Variants in ACOXL observed in about 807,000 individuals in gnomAD.
The protein encoded by ACOXL is acyl-coenzyme A oxidase-like protein.
Under a neutral mutation model 71.9 loss-of-function variants are expected in ACOXL, and 70 were observed. That is an observed-to-expected ratio of 0.97 (90% confidence interval 0.80 to 1.19). The LOEUF is 1.19. Ranked by LOEUF, ACOXL falls within the 50% of genes most tolerant of loss-of-function variation. ACOXL has a pLI of 0.00. For missense variants in ACOXL, 703 were observed against 736.3 expected (o/e 0.95, Z 0.52); for synonymous variants, 253 against 281.6 (o/e 0.90, Z 1.02).
chr2:110,980,509 G>A (rs1419213795), intron 12 of ACOXL, among the ~76,000 whole-genome samples: 1 of 152,180 alleles, frequency 6.6e-6, no homozygotes. Flanking sequence ...GCACAGCAAA[G>A]CACCCCAAAC....
Position 110,754,031 on chromosome 2 carries a change from C to CGTGT in ACOXL, c.-22-14312_-22-14309dup, listed in dbSNP as rs34282367. On this transcript the variant is annotated intron_variant, in intron 1 of 17. Coordinates refer to ENST00000439055, the MANE Select transcript of ACOXL (RefSeq NM_001142807.4). ...TTATATATCCTCTTGCACATGCACA[C>CGTGT]GTGTGTGTGTGTGTGTGTGTGTGTG... Among the ~76,000 whole-genome samples the CGTGT allele has an allele frequency of 4.4e-3, 619 of 141,250 alleles. 5 individuals carry two copies. Among genetic ancestry groups the CGTGT allele is most frequent in the Non-Finnish European group, 6.3e-3 (416 of 65,588 alleles). The allele number at this position is 141,250 out of a possible 152,430, so 92.7% of individuals were successfully genotyped here.
At chr2:110,844,808 A>G (rs1361368529) in intron 10 of ACOXL, among the ~76,000 whole-genome samples, 2 of 151,868 alleles carry the variant, frequency 1.3e-5, no homozygotes, top group East Asian at 3.9e-4. Context: ...TTGCCTCCCA[A>G]AGTGCTGGGA....
intron 3 of ACOXL, among the ~76,000 whole-genome samples, chr2:110,788,579 G>A (rs554651372): frequency 6.6e-6 from 1 of 152,300 alleles, no homozygotes; most frequent in East Asian, 1.9e-4. Context: ...ACAACATTAT[G>A]ACTGTACTTC....
chr2:110,890,772 A>G (rs775640812), intron 10 of ACOXL, among the ~76,000 whole-genome samples: 1 of 151,946 alleles, frequency 6.6e-6, no homozygotes, highest in African/African-American at 2.4e-5. Flanking sequence ...CTTTTTTTTC[A>G]AGATTGCTCT....
chr2:110,785,324 G>A (rs1683820761), intron 3 of ACOXL, among the ~76,000 whole-genome samples: 2 of 151,680 alleles, frequency 1.3e-5, no homozygotes, highest in South Asian at 4.2e-4. Flanking sequence ...AGCACTGTTA[G>A]GACATAGACC....
intron 1 of ACOXL, among the ~76,000 whole-genome samples, chr2:110,741,616 C>T (rs775154080): frequency 6.6e-6 from 1 of 152,164 alleles, no homozygotes; most frequent in Non-Finnish European, 1.5e-5. Context: ...CCTCTGACCT[C>T]AACTGGAAAG....
In ACOXL at chr2:111,117,815, A is replaced by G; in HGVS notation, c.1742A>G (p.Ter581=). ...CGGCCCAAGCTGGGAGCCAAGCTCT[A>G]ACGGGTGTGGCGGGAAGTGTGGTGG... The part of the protein sequence containing the change: ...SRRPKLGAKL[*] The change falls in exon 18 of 18, where the codon TAA becomes TGA. Residue 581 remains the stop codon, a stop_retained_variant. Coordinates refer to ENST00000439055, the MANE Select transcript of ACOXL (RefSeq NM_001142807.4). 1 of 1,547,312 alleles carries G rather than the reference A, an allele frequency of 6.5e-7. No homozygotes were observed. The highest frequency in any genetic ancestry group is 8.7e-7 in the Non-Finnish European group (1 of 1,146,372).
intron 16 of ACOXL, among the ~76,000 whole-genome samples, chr2:111,050,892 T>G (rs1425755663): frequency 6.6e-6 from 1 of 152,218 alleles, no homozygotes; most frequent in Non-Finnish European, 1.5e-5. Flanking sequence ...CCATTTCACC[T>G]TCTTGCTGAC....
chr2:110,832,766 A>G (rs1377602537), intron 9 of ACOXL, among the ~76,000 whole-genome samples: 1 of 152,214 alleles, frequency 6.6e-6, no homozygotes, highest in Non-Finnish European at 1.5e-5. Context: ...AATGGGTAAA[A>G]GAGATTAAGA....
chr2:110,830,277 C>T (rs1213921255), intron 9 of ACOXL, among the ~76,000 whole-genome samples: 1 of 152,212 alleles, frequency 6.6e-6, no homozygotes, highest in Non-Finnish European at 1.5e-5. Context: ...TCAGACTTCT[C>T]TCTATGTAAT....
intron 17 of ACOXL, among the ~76,000 whole-genome samples, chr2:111,095,942 AC>A (rs1239358046): frequency 2.0e-5 from 3 of 152,190 alleles, no homozygotes; most frequent in Non-Finnish European, 4.4e-5. Flanking sequence ...TCCCACTGCC[AC>A]CATACCTCTT....
intron 12 of ACOXL, among the ~76,000 whole-genome samples, chr2:110,951,308 C>T (rs1284793810): frequency 2.6e-5 from 4 of 152,136 alleles, no homozygotes; most frequent in African/African-American, 4.8e-5. Context: ...TAATCAACAA[C>T]CTAGTTAAAG....
intron 12 of ACOXL, among the ~76,000 whole-genome samples, chr2:110,938,339 G>A (rs996494485): frequency 2.0e-5 from 3 of 152,166 alleles, no homozygotes; most frequent in Non-Finnish European, 2.9e-5. Context: ...GAGAAGGCCC[G>A]GAGCCTGTCT....
At chr2:110,976,882 C>G (rs918788201) in intron 12 of ACOXL, among the ~76,000 whole-genome samples, 1 of 152,112 alleles carries the variant, frequency 6.6e-6, no homozygotes, top group East Asian at 1.9e-4. Context: ...GCTCCAACTA[C>G]GAGCAAACTA....
rs2070075931 is a variant in ACOXL, at chr2:111,112,722, A to G, written c.1543-4894A>G. ...GTCCATGTGCTGCTCTTTTGAAGGC[A>G]CTTGAATTGTGTTTGACTTAAGGTG... On this transcript the variant is annotated intron_variant, in intron 17 of 17. Transcript: ENST00000439055. Among the ~76,000 whole-genome samples the G allele has an allele frequency of 2.0e-5, 3 of 152,172 alleles. No homozygotes were observed. The South Asian group carries it at 6.2e-4, about 31-fold the overall frequency.
At chr2:110,806,066 C>A (rs1366946149) in intron 9 of ACOXL, among the ~76,000 whole-genome samples, 2 of 152,268 alleles carry the variant, frequency 1.3e-5, no homozygotes, top group African/African-American at 4.8e-5. Flanking sequence ...CAGGAATATA[C>A]ATCTGGGGCT....
At chr2:110,758,249 A>G (rs1035240317) in intron 1 of ACOXL, among the ~76,000 whole-genome samples, 5 of 152,054 alleles carry the variant, frequency 3.3e-5, no homozygotes, top group Non-Finnish European at 5.9e-5. Flanking sequence ...CCATTGGTCT[A>G]TGTGTCTGTT....
chr2:110,962,859 G>A (rs182001437), intron 12 of ACOXL, among the ~76,000 whole-genome samples: 5 of 152,334 alleles, frequency 3.3e-5, no homozygotes, highest in African/African-American at 1.2e-4. Context: ...GTGGAAGCAG[G>A]CTTGGACGGG....
intron 10 of ACOXL, among the ~76,000 whole-genome samples, chr2:110,872,331 G>A (rs943263375): frequency 1.3e-4 from 20 of 152,246 alleles, no homozygotes; most frequent in African/African-American, 4.6e-4. Context: ...GGCATCTCTA[G>A]ATGGCTGGAG....
Sources: gnomAD v4.1 joint callset for allele counts (sites outside exome capture counted in the v4.1 genomes callset) on GRCh38, gnomAD v4.1.1 for gene constraint, MANE v1.5 for transcripts, NCBI Gene and HGNC (gene_info 2026-07-23, HGNC 2026-07-21) for gene names.